LRRC7: variants seen among roughly 807,000 people sequenced by gnomAD.
The protein encoded by LRRC7 is leucine rich repeat containing 7, also known as leucine-rich repeat-containing protein 7.
LRRC7 carries 23 observed loss-of-function variants against 175.7 expected under a neutral mutation model. The observed-to-expected ratio is 0.13, with a 90% CI of 0.09 to 0.19. The LOEUF (loss-of-function observed/expected upper bound fraction) is 0.19, where lower values mean the gene tolerates loss of function less well. Ranked by LOEUF, LRRC7 falls within the 10% of genes least tolerant of loss-of-function variation. LRRC7 has a pLI of 1.00. For synonymous variants in LRRC7, 685 were observed against 680.9 expected, an observed-to-expected ratio of 1.01 and a Z score of -0.09; for missense variants, 1,354 against 1,904.7, an observed-to-expected ratio of 0.71 and a Z score of 5.38.
At chr1:69,887,388 C>T (rs1645670222) in intron 7 of LRRC7, among the ~76,000 whole-genome samples, 1 of 139,060 alleles carries the variant, frequency 7.2e-6, no homozygotes, top group South Asian at 2.5e-4. Flanking sequence ...TTGCTGATAC[C>T]CTTTCTTCCA....
At chr1:69,598,583 C>A (rs527881313) in intron 1 of LRRC7, among the ~76,000 whole-genome samples, 1 of 152,154 alleles carries the variant, frequency 6.6e-6, no homozygotes, top group Admixed American at 6.5e-5. Context: ...ATGAGGCCCA[C>A]CCACATTATG....
intron 3 of LRRC7, among the ~76,000 whole-genome samples, chr1:69,772,177 T>C (rs1042913026): frequency 7.3e-5 from 11 of 151,440 alleles, no homozygotes; most frequent in African/African-American, 2.4e-4. Flanking sequence ...AGGAGGGGAA[T>C]TGCTGAGAGG....
At chr1:69,824,076 A>C (rs1679615802) in intron 4 of LRRC7, among the ~76,000 whole-genome samples, 1 of 152,198 alleles carries the variant, frequency 6.6e-6, no homozygotes, top group African/African-American at 2.4e-5. Context: ...GAAGATAAAG[A>C]GACGTCATCT....
At chr1:69,801,637 T>A (rs1676507848) in intron 4 of LRRC7, among the ~76,000 whole-genome samples, 1 of 151,782 alleles carries the variant, frequency 6.6e-6, no homozygotes, top group Non-Finnish European at 1.5e-5. Context: ...TCGTAGTCTA[T>A]CAATTTTGTT....
chr1:69,820,959 C>T (rs1679222024), intron 4 of LRRC7, among the ~76,000 whole-genome samples: 1 of 152,160 alleles, frequency 6.6e-6, no homozygotes, highest in Admixed American at 6.6e-5. Context: ...AATGGGTGAA[C>T]TAATTTACAC....
chr1:69,741,437 A>G (rs1668699117), intron 2 of LRRC7, among the ~76,000 whole-genome samples: 1 of 151,930 alleles, frequency 6.6e-6, no homozygotes, highest in African/African-American at 2.4e-5. Flanking sequence ...TAAGAGCAGG[A>G]AAAGAAGAGA....
At chr1:69,890,482 A>G (rs980034158) in intron 7 of LRRC7, among the ~76,000 whole-genome samples, 2 of 152,248 alleles carry the variant, frequency 1.3e-5, no homozygotes, top group Non-Finnish European at 2.9e-5. Flanking sequence ...TCTAAAGCAC[A>G]TGCAGAATAG....
intron 2 of LRRC7, among the ~76,000 whole-genome samples, chr1:69,690,654 G>A (rs1661743002): frequency 6.6e-6 from 1 of 152,134 alleles, no homozygotes; most frequent in African/African-American, 2.4e-5. Flanking sequence ...AGGACCAACA[G>A]GTTCATATGC....
At chr1:70,048,070 C>T (rs1251833592) in intron 22 of LRRC7, among the ~76,000 whole-genome samples, 1 of 151,860 alleles carries the variant, frequency 6.6e-6, no homozygotes, top group Non-Finnish European at 1.5e-5. Flanking sequence ...CTAATGGTTC[C>T]ATGTGCTTCT....
intron 25 of LRRC7, among the ~76,000 whole-genome samples, chr1:70,104,980 A>G (rs1665043448): frequency 6.6e-6 from 1 of 152,170 alleles, no homozygotes; most frequent in African/African-American, 2.4e-5. Context: ...AAACAACTTC[A>G]CTTCCAGCAA....
intron 15 of LRRC7, among the ~76,000 whole-genome samples, chr1:70,019,210 G>T (rs984753083): frequency 2.6e-5 from 4 of 151,970 alleles, no homozygotes; most frequent in African/African-American, 9.7e-5. Context: ...TTTATTGCAT[G>T]AACACAATTT....
intron 8 of LRRC7, among the ~76,000 whole-genome samples, chr1:69,975,533 C>T (rs1302144178): frequency 2.6e-5 from 4 of 152,138 alleles, no homozygotes; most frequent in Non-Finnish European, 5.9e-5. Context: ...CAGTTCCCTT[C>T]CTGGCCCAGA....
intron 2 of LRRC7, among the ~76,000 whole-genome samples, chr1:69,693,501 C>T (rs904444171): frequency 6.6e-6 from 1 of 152,162 alleles, no homozygotes; most frequent in African/African-American, 2.4e-5. Flanking sequence ...CCATTCAAGT[C>T]TAAAAGCTAT....
chr1:70,119,181 G>C (rs570206924), intron 26 of LRRC7, among the ~76,000 whole-genome samples: 1 of 151,954 alleles, frequency 6.6e-6, no homozygotes, highest in East Asian at 1.9e-4. Context: ...GGAGACTCTA[G>C]GAATGAGACA....
intron 4 of LRRC7, among the ~76,000 whole-genome samples, chr1:69,809,122 A>G (rs1226052718): frequency 6.6e-6 from 1 of 152,172 alleles, no homozygotes; most frequent in African/African-American, 2.4e-5. Context: ...AATACAAACT[A>G]CCATCAGAGA....
intron 3 of LRRC7, among the ~76,000 whole-genome samples, chr1:69,777,590 T>C (rs1056317645): frequency 2.0e-5 from 3 of 152,296 alleles, no homozygotes; most frequent in Middle Eastern, 3.4e-3. Flanking sequence ...AAGTGTAATT[T>C]CCCCCTTGAA....
intron 8 of LRRC7, among the ~76,000 whole-genome samples, chr1:69,933,413 G>A (rs1268370989): frequency 2.0e-5 from 3 of 152,150 alleles, no homozygotes; most frequent in African/African-American, 7.2e-5. Context: ...ACAGATAGTG[G>A]CAAAACTAGT....
At chr1:69,805,116 CATT>C (rs895046452) in intron 4 of LRRC7, among the ~76,000 whole-genome samples, 5 of 151,648 alleles carry the variant, frequency 3.3e-5, no homozygotes, top group African/African-American at 1.2e-4. Context: ...GGAAAAAAAT[CATT>C]ATTGTTAGTT....
chr1:69,635,298 A>G (rs1019231680), intron 1 of LRRC7, among the ~76,000 whole-genome samples: 5 of 152,108 alleles, frequency 3.3e-5, no homozygotes, highest in South Asian at 2.1e-4. Context: ...TGGTGTATTT[A>G]GTGTTTGCTT....
Sources: allele counts gnomAD v4.1 joint callset (sites outside exome capture counted in the v4.1 genomes callset), GRCh38; gene constraint gnomAD v4.1.1; transcripts MANE v1.5; gene names NCBI Gene and HGNC (gene_info 2026-07-23, HGNC 2026-07-21).